Variants in PPP4R4 observed in about 807,000 individuals in gnomAD.
PPP4R4 encodes serine/threonine-protein phosphatase 4 regulatory subunit 4.
PPP4R4 carries 70 observed loss-of-function variants against 121.8 expected under a neutral mutation model. That is an observed-to-expected ratio of 0.57 (90% CI 0.47 to 0.70). The LOEUF (loss-of-function observed/expected upper bound fraction) is 0.70, where lower values mean the gene tolerates loss of function less well. Ranked by LOEUF, PPP4R4 falls within the 30% of genes least tolerant of loss-of-function variation. PPP4R4 has a pLI of 0.00. For missense variants in PPP4R4, 875 were observed against 1,033.6 expected (o/e 0.85, Z 2.10); for synonymous variants, 348 against 355.7 (o/e 0.98, Z 0.24).
intron 2 of PPP4R4, among the ~76,000 whole-genome samples, chr14:94,205,729 C>T (rs1355953739): frequency 6.6e-6 from 1 of 151,510 alleles, no homozygotes; most frequent in Non-Finnish European, 1.5e-5. Context: ...CCCGTGAGAC[C>T]TTTCTCTTTG....
intron 24 of PPP4R4, among the ~76,000 whole-genome samples, chr14:94,277,677 T>C (rs775331887): frequency 6.6e-6 from 1 of 152,236 alleles, no homozygotes; most frequent in Non-Finnish European, 1.5e-5. Flanking sequence ...TTTATGCTGG[T>C]TCTCCTTTCT....
intron 3 of PPP4R4, chr14:94,227,401 A>G: frequency 6.2e-7 from 1 of 1,601,340 alleles, no homozygotes; most frequent in Non-Finnish European, 8.5e-7. Flanking sequence ...CTCTTATTGT[A>G]TTATGTTTCA....
At chr14:94,223,471 CAGAGGGGCTTACCAGGGA>C (rs1429126920) in intron 3 of PPP4R4, among the ~76,000 whole-genome samples, 3 of 152,162 alleles carry the variant, frequency 2.0e-5, no homozygotes, top group Admixed American at 6.5e-5. Context: ...TTCCCTACTG[CAGAGGGGCTTACCAGGGA>C]CTCTGCAAGG....
intron 23 of PPP4R4, among the ~76,000 whole-genome samples, chr14:94,267,769 ATAG>A (rs1327892709): frequency 6.6e-6 from 1 of 152,160 alleles, no homozygotes; most frequent in Non-Finnish European, 1.5e-5. Flanking sequence ...TTAGGTGTAA[ATAG>A]TAGTGAATCT....
chr14:94,242,487 AT>A, intron 11 of PPP4R4, 79 bp downstream of exon 11: 3 of 1,373,598 alleles, frequency 2.2e-6, no homozygotes, highest in South Asian at 1.3e-5. Flanking sequence ...GTGCTTATAG[AT>A]TATAAGATAT....
At position 94,264,872 on chromosome 14, in the gene PPP4R4, T is replaced by C; in HGVS notation, c.2128-6T>C. Reference sequence around the variant, plus strand: ...CCTTTAATGCAAGATACTGTCTTAATAACAGGAACAATTAGAGAAAGAAAA... The same window carrying C: ...CCTTTAATGCAAGATACTGTCTTAACAACAGGAACAATTAGAGAAAGAAAA... On this transcript the variant is annotated splice_polypyrimidine_tract_variant and splice_region_variant and intron_variant, in intron 19 of 24. Coordinates refer to ENST00000304338, the MANE Select transcript of PPP4R4 (RefSeq NM_058237.2). 1 of 1,594,206 alleles carries C rather than the reference T, an allele frequency of 6.3e-7. No homozygotes were observed. Among genetic ancestry groups the C allele is most frequent in the Non-Finnish European group, 8.6e-7 (1 of 1,169,498 alleles).
chr14:94,190,660 A>C (rs1489989313), intron 2 of PPP4R4, among the ~76,000 whole-genome samples: 1 of 152,174 alleles, frequency 6.6e-6, no homozygotes, highest in Non-Finnish European at 1.5e-5. Flanking sequence ...TTTTACTGCT[A>C]TTTGTTAATG....
chr14:94,220,010 T>C (rs1340588824), intron 3 of PPP4R4, among the ~76,000 whole-genome samples: 1 of 152,100 alleles, frequency 6.6e-6, no homozygotes, highest in Non-Finnish European at 1.5e-5. Flanking sequence ...GATCATGAAG[T>C]CAGGAGTTCG....
chr14:94,223,306 G>T (rs867627062), intron 3 of PPP4R4, among the ~76,000 whole-genome samples: 8 of 152,166 alleles, frequency 5.3e-5, no homozygotes, highest in Middle Eastern at 3.2e-3. Flanking sequence ...TGAGGCCTAG[G>T]ATGATATCTT....
At chr14:94,265,267 G>T in intron 20 of PPP4R4, 120 bp from the exon 21 acceptor site, 1 of 704,836 alleles carries the variant, frequency 1.4e-6, no homozygotes, top group Non-Finnish European at 2.4e-6. Context: ...AAGAATATTT[G>T]GAAAAGAAAG....
In PPP4R4 at chr14:94,275,486, T is replaced by G; in HGVS notation, c.2562T>G (p.Ser854Arg). 4.3e-6 allele frequency: 7 copies of G among 1,613,992 alleles called. No homozygotes were observed. The highest frequency in any genetic ancestry group is 5.9e-6 in the Non-Finnish European group (7 of 1,179,960). The change falls in exon 24 of 25, where the codon AGT (serine) becomes AGG (arginine). Residue 854 changes from serine to arginine, a missense_variant. Coordinates refer to ENST00000304338, the MANE Select transcript of PPP4R4 (RefSeq NM_058237.2). ...GTGNSVDPKSSGSKDTQPRKA... is the reference protein window; with the variant it reads ...GTGNSVDPKSRGSKDTQPRKA... ...GTAACTCAGTTGACCCCAAGAGCAGTGGAAGTAAAGATACACAACCACGGA... is the reference window on the plus strand; with the variant it reads ...GTAACTCAGTTGACCCCAAGAGCAGGGGAAGTAAAGATACACAACCACGGA...
At chr14:94,239,036 T>C (rs1892488640) in intron 8 of PPP4R4, among the ~76,000 whole-genome samples, 1 of 152,274 alleles carries the variant, frequency 6.6e-6, no homozygotes, top group South Asian at 2.1e-4. Flanking sequence ...TGTTTGTGGC[T>C]TTATTTCCTA....
intron 7 of PPP4R4, 81 bp downstream of exon 7, chr14:94,234,750 A>AT: frequency 1.0e-6 from 1 of 983,338 alleles, no homozygotes; most frequent in East Asian, 2.5e-5. Flanking sequence ...AAAAATGATC[A>AT]TAACAAGTAC....
At chr14:94,180,042 C>T (rs1428688198) in intron 2 of PPP4R4, among the ~76,000 whole-genome samples, 3 of 152,160 alleles carry the variant, frequency 2.0e-5, no homozygotes, top group Admixed American at 6.6e-5. Context: ...TTATGGTTTT[C>T]GAGCCCTGCT....
chr14:94,266,939 TA>T lies in PPP4R4; in HGVS notation c.2379-17del. The T allele has an allele frequency of 6.7e-7, 1 of 1,501,766 alleles. No individual in the cohort carries two copies. The highest frequency in any genetic ancestry group is 9.2e-7 in the Non-Finnish European group (1 of 1,085,746). 93.0% of individuals were successfully genotyped at this position (1,501,766 alleles called of 1,614,324 possible). A position where few individuals can be genotyped will look rare whatever the true frequency, so the allele number is the denominator to read the frequency against. Reference sequence around the variant, plus strand: ...AGAAGTGTGTTTTTGTATTTTAAACTAAATCATGTTGTTTTCTAGTAAAAGT... The same window carrying T: ...AGAAGTGTGTTTTTGTATTTTAAACTAATCATGTTGTTTTCTAGTAAAAGT... On this transcript the variant is annotated intron_variant, in intron 22 of 24. Coordinates refer to ENST00000304338, the MANE Select transcript of PPP4R4 (RefSeq NM_058237.2).
At chr14:94,240,626 G>A (rs1050069297) in intron 8 of PPP4R4, 47 bp from the exon 9 acceptor site, 4 of 1,566,972 alleles carry the variant, frequency 2.6e-6, no homozygotes, top group East Asian at 4.7e-5. Flanking sequence ...CATGTGCAAT[G>A]TGGACGACTG....
At chr14:94,245,181 A>G (rs769351411) in intron 12 of PPP4R4, among the ~76,000 whole-genome samples, 3 of 152,180 alleles carry the variant, frequency 2.0e-5, no homozygotes, top group Non-Finnish European at 2.9e-5. Context: ...TTTTGATGCT[A>G]TATTTAGATA....
At chr14:94,220,928 G>A (rs1347266030) in intron 3 of PPP4R4, among the ~76,000 whole-genome samples, 2 of 152,078 alleles carry the variant, frequency 1.3e-5, no homozygotes. Flanking sequence ...ACCTAGAATA[G>A]CCAAAACAAC....
chr14:94,177,680 C>T (rs1164447717), intron 2 of PPP4R4, among the ~76,000 whole-genome samples: 8 of 152,046 alleles, frequency 5.3e-5, no homozygotes, highest in East Asian at 1.9e-4. Flanking sequence ...TAGAAGACAC[C>T]GTATTCTAAA....
Sources: allele counts gnomAD v4.1 joint callset (sites outside exome capture counted in the v4.1 genomes callset), GRCh38; gene constraint gnomAD v4.1.1; transcripts MANE v1.5; gene names NCBI Gene and HGNC (gene_info 2026-07-23, HGNC 2026-07-21).